NOS1AP: variants seen among roughly 807,000 people sequenced by gnomAD.
NOS1AP encodes nitric oxide synthase 1 adaptor protein, also known as carboxyl-terminal PDZ ligand of neuronal nitric oxide synthase protein.
Under a neutral mutation model 56.2 loss-of-function variants are expected in NOS1AP, and 21 were observed. The observed-to-expected ratio is 0.37, with a 90% confidence interval of 0.26 to 0.54. The LOEUF (loss-of-function observed/expected upper bound fraction) is 0.54. NOS1AP is among the 20% of genes least tolerant of loss of function. NOS1AP has a pLI of 0.84. For synonymous variants in NOS1AP, 270 were observed against 274.6 expected (o/e 0.98, Z 0.17); for missense variants, 522 against 657.8 (o/e 0.79, Z 2.26).
chr1:162,106,032 G>A lies in NOS1AP; in HGVS notation c.105+35750G>A, dbSNP rs116375321. The stretch of plus-strand genomic sequence containing the variant: ...GAGTATGCAAAACTCCTGGGTCTCT[G>A]TGTGTGGCTGAGCCACTCCCTGAGT... On this transcript the variant is annotated intron_variant, in intron 1 of 9. Transcript: ENST00000361897. Among the ~76,000 whole-genome samples, 599 of 152,302 alleles carry A rather than the reference G, an allele frequency of 3.9e-3. 3 individuals are homozygous for A. The highest frequency in any genetic ancestry group is 9.7e-3 in the Admixed American group (148 of 15,306).
chr1:162,124,829 A>G (rs1648413395), intron 1 of NOS1AP, among the ~76,000 whole-genome samples: 1 of 151,974 alleles, frequency 6.6e-6, no homozygotes, highest in African/African-American at 2.4e-5. Context: ...GGCCACACAC[A>G]CCGTATTTTC....
chr1:162,327,591 G>T (rs1656633208), intron 4 of NOS1AP, among the ~76,000 whole-genome samples: 1 of 152,158 alleles, frequency 6.6e-6, no homozygotes, highest in African/African-American at 2.4e-5. Flanking sequence ...TAAAAAACCA[G>T]TTACCCAAGT....
intron 2 of NOS1AP, among the ~76,000 whole-genome samples, chr1:162,206,164 C>T (rs1163784341): frequency 6.6e-6 from 1 of 152,026 alleles, no homozygotes; most frequent in African/African-American, 2.4e-5. Context: ...GAGTAATGTT[C>T]AGCAAGTGGC....
At chr1:162,088,922 A>T (rs1402168877) in intron 1 of NOS1AP, among the ~76,000 whole-genome samples, 4 of 152,076 alleles carry the variant, frequency 2.6e-5, no homozygotes, top group Admixed American at 1.3e-4. Flanking sequence ...CTGGAGACCG[A>T]TACCTCTTTT....
intron 2 of NOS1AP, among the ~76,000 whole-genome samples, chr1:162,187,472 C>T (rs1044104044): frequency 6.6e-6 from 1 of 152,146 alleles, no homozygotes; most frequent in African/African-American, 2.4e-5. Flanking sequence ...TTTGTAGTTA[C>T]ATCACAAAAT....
intron 2 of NOS1AP, among the ~76,000 whole-genome samples, chr1:162,199,103 C>T (rs567793093): frequency 6.6e-6 from 1 of 152,282 alleles, no homozygotes; most frequent in South Asian, 2.1e-4. Flanking sequence ...GGGGGTTAAG[C>T]CTTGCAATCC....
rs899881930 is a variant in NOS1AP at position 162,070,051 on chromosome 1, C to T, written c.-127C>T. On this transcript the variant is annotated 5_prime_UTR_variant, in exon 1 of 10. Transcript: ENST00000361897. ...CCGGCCGCCGCGCGGCCAGGGCTCC[C>T]CCTGCCCAGCGCTCCCAGGCCCCGC... 24 of 676,730 alleles carry T rather than the reference C, an allele frequency of 3.5e-5. No homozygotes were observed. The African/African-American group carries it at 4.4e-4, about 12-fold the overall frequency. 41.9% of individuals were successfully genotyped at this position (676,730 alleles called of 1,614,324 possible).
rs915160510 is a variant in NOS1AP, at chr1:162,145,358, G to A, written c.106-9047G>A. Among the ~76,000 whole-genome samples, 4 of 152,116 alleles carry A rather than the reference G, an allele frequency of 2.6e-5. No individual in the cohort carries two copies. The South Asian group carries it at 8.3e-4, about 32-fold the overall frequency. The stretch of plus-strand genomic sequence containing the variant: ...GGGCGCTTTGAGTCCCTATCCCCAC[G>A]TCCCTTACACCCTAGCACCTGGAGA... On this transcript the variant is annotated intron_variant, in intron 1 of 9. Coordinates refer to ENST00000361897, the MANE Select transcript of NOS1AP (RefSeq NM_014697.3).
chr1:162,298,499 G>A (rs748929891), intron 3 of NOS1AP, among the ~76,000 whole-genome samples: 5 of 152,244 alleles, frequency 3.3e-5, no homozygotes, highest in Non-Finnish European at 5.9e-5. Context: ...AGCAGAGGCA[G>A]AGTGGGAACC....
intron 4 of NOS1AP, among the ~76,000 whole-genome samples, chr1:162,316,291 G>A (rs906404818): frequency 2.6e-5 from 4 of 152,194 alleles, no homozygotes; most frequent in Non-Finnish European, 4.4e-5. Context: ...AGACAGCATC[G>A]CAGTTGAGAA....
At chr1:162,137,126 C>T (rs889048281) in intron 1 of NOS1AP, among the ~76,000 whole-genome samples, 1 of 152,190 alleles carries the variant, frequency 6.6e-6, no homozygotes, top group African/African-American at 2.4e-5. Context: ...GCTTCTTTGA[C>T]TTTGTCTTTG....
intron 1 of NOS1AP, among the ~76,000 whole-genome samples, chr1:162,123,178 T>C (rs954148082): frequency 6.6e-6 from 1 of 152,222 alleles, no homozygotes; most frequent in Non-Finnish European, 1.5e-5. Context: ...TTTTTGAATA[T>C]CTAAAACACT....
intron 2 of NOS1AP, among the ~76,000 whole-genome samples, chr1:162,255,704 T>C (rs556410157): frequency 6.6e-6 from 1 of 152,110 alleles, no homozygotes; most frequent in Admixed American, 6.5e-5. Context: ...AAGACCTCTG[T>C]AGCATTGTGA....
chr1:162,260,159 G>A (rs943794913), intron 2 of NOS1AP, among the ~76,000 whole-genome samples: 5 of 152,078 alleles, frequency 3.3e-5, no homozygotes, highest in Admixed American at 3.3e-4. Context: ...AGGGTCTGTT[G>A]TCAGAAACTT....
At chr1:162,075,066 A>G (rs1022037035) in intron 1 of NOS1AP, among the ~76,000 whole-genome samples, 1 of 152,184 alleles carries the variant, frequency 6.6e-6, no homozygotes, top group Non-Finnish European at 1.5e-5. Context: ...ACATTGCAAG[A>G]TTGCACGTGG....
chr1:162,091,196 G>A (rs1692122274), intron 1 of NOS1AP, among the ~76,000 whole-genome samples: 1 of 152,128 alleles, frequency 6.6e-6, no homozygotes, highest in African/African-American at 2.4e-5. Context: ...TTCTCTTGGT[G>A]TGGAGTCCTG....
At chr1:162,309,811 A>C (rs1054153352) in intron 4 of NOS1AP, among the ~76,000 whole-genome samples, 1 of 152,242 alleles carries the variant, frequency 6.6e-6, no homozygotes, top group Non-Finnish European at 1.5e-5. Flanking sequence ...TATAAAGGGA[A>C]GATGAAAAGG....
At chr1:162,349,141 C>T (rs1185852388) in intron 6 of NOS1AP, among the ~76,000 whole-genome samples, 7 of 151,562 alleles carry the variant, frequency 4.6e-5, no homozygotes, top group East Asian at 3.9e-4. Flanking sequence ...GAGCCGAGAT[C>T]GCACCATTAC....
chr1:162,248,004 C>T (rs1042332003), intron 2 of NOS1AP, among the ~76,000 whole-genome samples: 11 of 152,022 alleles, frequency 7.2e-5, no homozygotes, highest in African/African-American at 2.7e-4. Flanking sequence ...AAAAGCTGGT[C>T]GTGTGTGGTG....
Sources: gnomAD v4.1 joint callset for allele counts (sites outside exome capture counted in the v4.1 genomes callset) on GRCh38, gnomAD v4.1.1 for gene constraint, MANE v1.5 for transcripts, NCBI Gene and HGNC (gene_info 2026-07-23, HGNC 2026-07-21) for gene names.